Variants in C3orf22 observed in about 807,000 individuals in gnomAD.
C3orf22 encodes uncharacterized protein C3orf22.
In C3orf22, 7 loss-of-function variants were observed where a neutral mutation model predicts 10.8. That is an observed-to-expected ratio of 0.65 (90% CI 0.37 to 1.22). The LOEUF is 1.22. C3orf22 is among the 50% of genes most tolerant of loss of function. The pLI, the probability that C3orf22 is intolerant of heterozygous loss-of-function variation, is 0.02. For synonymous variants in C3orf22, 79 were observed against 78.9 expected, an observed-to-expected ratio of 1.00 and a Z score of 0.00; for missense variants, 173 against 177.0, an observed-to-expected ratio of 0.98 and a Z score of 0.13.
chr3:126,550,204 G>C, intron 3 of C3orf22, 126 bp from the exon 4 acceptor site: 1 of 1,054,142 alleles, frequency 9.5e-7, no homozygotes, highest in Non-Finnish European at 1.4e-6. Context: ...TCCCAACCAG[G>C]CTTGACCTGG....
intron 4 of C3orf22, among the ~76,000 whole-genome samples, chr3:126,530,987 G>A (rs968311737): frequency 1.6e-4 from 25 of 152,260 alleles, no homozygotes; most frequent in African/African-American, 5.3e-4. Flanking sequence ...TCAGTTACAC[G>A]CAGCAGGGTT....
intron 4 of C3orf22, among the ~76,000 whole-genome samples, chr3:126,541,577 C>T (rs907567570): frequency 1.3e-5 from 2 of 152,190 alleles, no homozygotes; most frequent in African/African-American, 4.8e-5. Context: ...GGCCCTAAAC[C>T]ACACAGTGAT....
rs112365722 is a variant in C3orf22, at chr3:126,554,012, T to C, written c.-40-582A>G. 3.3e-3 allele frequency among the ~76,000 whole-genome samples: 496 copies of C among 152,282 alleles called. 5 individuals are homozygous for C. The highest frequency in any genetic ancestry group is 0.011 in the African/African-American group (469 of 41,562). On this transcript the variant is annotated intron_variant, in intron 1 of 3. Transcript: ENST00000318225. ...CTGGGTCATATGGTAAGTCCATTTCTAGTTTTCTGTTTGTTTGTTTTGAGA... is the reference window on the plus strand; with the variant it reads ...CTGGGTCATATGGTAAGTCCATTTCCAGTTTTCTGTTTGTTTGTTTTGAGA...
chr3:126,545,655 G>C (rs1262867733), downstream of C3orf22, among the ~76,000 whole-genome samples: 1 of 152,346 alleles, frequency 6.6e-6, no homozygotes, highest in African/African-American at 2.4e-5. Context: ...GCAAGGCCCA[G>C]GGCTGCTGCA....
chr3:126,556,981 CACAT>C (rs951335087), intron 1 of C3orf22, among the ~76,000 whole-genome samples: 19 of 142,264 alleles, frequency 1.3e-4, no homozygotes, highest in East Asian at 4.3e-4. Context: ...CACATACACA[CACAT>C]ACAGACACAT....
At chr3:126,528,323 A>C (rs1171788164) in intron 5 of C3orf22, among the ~76,000 whole-genome samples, 1 of 152,128 alleles carries the variant, frequency 6.6e-6, no homozygotes, top group African/African-American at 2.4e-5. Flanking sequence ...TGCAGGGGTT[A>C]CAGAAAAGCA....
intron 4 of C3orf22, among the ~76,000 whole-genome samples, chr3:126,539,947 CTGCCACACA>C (rs1393263084): frequency 2.3e-5 from 3 of 129,370 alleles, no homozygotes; most frequent in African/African-American, 8.8e-5. Flanking sequence ...CATGCCACAC[CTGCCACACA>C]TGCCACACAC....
chr3:126,550,150 A>G, intron 3 of C3orf22, 72 bp from the exon 4 acceptor site: 1 of 1,556,122 alleles, frequency 6.4e-7, no homozygotes. Context: ...AGCCCAGAGA[A>G]GTCAGCCAGG....
chr3:126,541,956 C>T, intron 4 of C3orf22: 2 of 1,585,020 alleles, frequency 1.3e-6, no homozygotes, highest in Non-Finnish European at 8.6e-7. Context: ...CGCGGCGACC[C>T]GCGCGCCATC....
At chr3:126,532,252 A>G (rs1036573019) in intron 4 of C3orf22, among the ~76,000 whole-genome samples, 7 of 152,230 alleles carry the variant, frequency 4.6e-5, no homozygotes, top group African/African-American at 1.7e-4. Flanking sequence ...TGAAGCACAA[A>G]TGTTTTTTAA....
intron 4 of C3orf22, among the ~76,000 whole-genome samples, chr3:126,539,083 T>C (rs1451745536): frequency 6.6e-6 from 1 of 152,112 alleles, no homozygotes; most frequent in Non-Finnish European, 1.5e-5. Flanking sequence ...GGCATGTATG[T>C]CCTATGTCTG....
rs574367973 is a variant in C3orf22 at position 126,541,746 on chromosome 3, C to A, written c.286+7791G>T. On this transcript the variant is annotated intron_variant and NMD_transcript_variant, in intron 4 of 5. Transcript: ENST00000505070. ...TGTCGCCCACAGGACCCGCGCTCGACCCTGGCGAAGGTGCACCGGCAGCGG... is the reference window on the plus strand; with the variant it reads ...TGTCGCCCACAGGACCCGCGCTCGAACCTGGCGAAGGTGCACCGGCAGCGG... 7.4e-5 allele frequency: 110 copies of A among 1,491,396 alleles called. 1 individual carries two copies. The East Asian group carries it at 1.8e-3, about 25-fold the overall frequency. The allele number at this position is 1,491,396 out of a possible 1,614,324, so 92.4% of individuals were successfully genotyped here.
intron 1 of C3orf22, among the ~76,000 whole-genome samples, chr3:126,556,670 T>C (rs1288647090): frequency 6.8e-6 from 1 of 146,276 alleles, no homozygotes; most frequent in African/African-American, 2.6e-5. Flanking sequence ...ACACACTCAC[T>C]CTCACAGACA....
intron 4 of C3orf22, chr3:126,542,443 C>T: frequency 6.4e-7 from 1 of 1,559,758 alleles, no homozygotes; most frequent in Non-Finnish European, 8.7e-7. Flanking sequence ...CCCGGGGAGC[C>T]GCCGCCTCCC....
At chr3:126,550,140 A>T in intron 3 of C3orf22, 62 bp from the exon 4 acceptor site, 1 of 1,581,150 alleles carries the variant, frequency 6.3e-7, no homozygotes, top group Non-Finnish European at 8.6e-7. Context: ...CAGCCATTGC[A>T]GCCCAGAGAA....
chr3:126,539,809 A>G (rs1274393857), intron 4 of C3orf22, among the ~76,000 whole-genome samples: 2 of 74,702 alleles, frequency 2.7e-5, no homozygotes, highest in East Asian at 7.8e-4. Context: ...ACCACACCAC[A>G]CACCACAAAC....
rs749302068 is a variant in C3orf22 at position 126,542,062 on chromosome 3, C to A, written c.286+7475G>T. 1.9e-6 allele frequency: 3 copies of A among 1,582,034 alleles called. No individual in the cohort carries two copies. The Admixed American group carries it at 5.2e-5, about 27-fold the overall frequency. The stretch of plus-strand genomic sequence containing the variant: ...GGCGCCTGCGCGCCTACTTGGCCTT[C>A]CTGTTCGTGCGGGAGCCCTTCGAGC... On this transcript the variant is annotated intron_variant and NMD_transcript_variant, in intron 4 of 5. Transcript: ENST00000505070.
intron 4 of C3orf22, among the ~76,000 whole-genome samples, chr3:126,539,901 C>CCA (rs1936913163): frequency 9.5e-4 from 1 of 1,054 alleles, no homozygotes; most frequent in Admixed American, 0.012. Context: ...CACACATACA[C>CCA]CATACATACA....
chr3:126,549,099 C>T (rs556980097), downstream of C3orf22, among the ~76,000 whole-genome samples: 69 of 152,270 alleles, frequency 4.5e-4, no homozygotes, highest in Non-Finnish European at 8.2e-4. Flanking sequence ...AGCCACACCA[C>T]GCTCCTTACA....
Sources: allele counts gnomAD v4.1 joint callset (sites outside exome capture counted in the v4.1 genomes callset), GRCh38; gene constraint gnomAD v4.1.1; transcripts MANE v1.5; gene names NCBI Gene and HGNC (gene_info 2026-07-23, HGNC 2026-07-21).